The following SOS1 variants were observed in gnomAD, a reference collection of about 807,000 sequenced individuals.
SOS1 encodes SOS Ras/Rac guanine nucleotide exchange factor 1.
SOS1 carries 25 observed loss-of-function variants against 157.6 expected under a neutral mutation model. The observed-to-expected ratio is 0.16, with a 90% confidence interval of 0.12 to 0.22. The LOEUF (loss-of-function observed/expected upper bound fraction) is 0.22, where lower values mean the gene tolerates loss of function less well. Ranked by LOEUF, SOS1 falls within the 10% of genes least tolerant of loss-of-function variation. The pLI is 1.00. For synonymous variants in SOS1, 528 were observed against 534.0 expected (o/e 0.99, Z 0.16); for missense variants, 1,237 against 1,599.1 (o/e 0.77, Z 3.86).
intron 6 of SOS1, among the ~76,000 whole-genome samples, chr2:39,042,108 A>T (rs772657264): frequency 6.6e-6 from 1 of 152,014 alleles, no homozygotes; most frequent in Non-Finnish European, 1.5e-5. Context: ...ACTCTTGTTT[A>T]CTCTGGCTTC....
chr2:39,065,261 T>G (rs1458258484), intron 2 of SOS1, among the ~76,000 whole-genome samples: 1 of 152,228 alleles, frequency 6.6e-6, no homozygotes, highest in African/African-American at 2.4e-5. Flanking sequence ...AGACACCATT[T>G]GCTATGGTCC....
chr2:39,112,995 C>G (rs1673496937), intron 1 of SOS1, among the ~76,000 whole-genome samples: 1 of 151,394 alleles, frequency 6.6e-6, no homozygotes, highest in Non-Finnish European at 1.5e-5. Context: ...GAGATCACAC[C>G]ACTGCACTCC....
At chr2:38,996,091 CTTTTTT>C (rs373919767) in intron 19 of SOS1, among the ~76,000 whole-genome samples, 1 of 147,046 alleles carries the variant, frequency 6.8e-6, no homozygotes, top group South Asian at 2.1e-4. Flanking sequence ...GGATTCTTGA[CTTTTTT>C]TTTTTGAGAC....
intron 1 of SOS1, among the ~76,000 whole-genome samples, chr2:39,072,129 G>A (rs1003798452): frequency 6.6e-6 from 1 of 152,046 alleles, no homozygotes; most frequent in East Asian, 1.9e-4. Flanking sequence ...ATCCCTGCTT[G>A]TATGGTCCTT....
chr2:38,997,126 C>A, intron 18 of SOS1, 88 bp from the exon 19 acceptor site: 1 of 1,037,660 alleles, frequency 9.6e-7, no homozygotes, highest in Non-Finnish European at 1.4e-6. Context: ...ACATTTAATA[C>A]AAGTAAATTT....
In SOS1 at chr2:38,985,601, G is replaced by A. The variant is rs886056022; in HGVS notation, c.*223C>T. ...TTATGATTTTCAGGTGCAATCAGTT[G>A]TCCAATTCCTCTAGGTCGGTCTTTC... On this transcript the variant is annotated 3_prime_UTR_variant, in exon 23 of 23. Coordinates refer to ENST00000402219, the MANE Select transcript of SOS1 (RefSeq NM_005633.4). 2.2e-5 allele frequency: 12 copies of A among 535,068 alleles called. No individual in the cohort carries two copies. The East Asian group carries it at 4.2e-4, about 19-fold the overall frequency. The allele number at this position is 535,068 out of a possible 1,614,324, so 33.1% of individuals were successfully genotyped here.
At chr2:39,111,225 T>C (rs1417425536) in intron 1 of SOS1, among the ~76,000 whole-genome samples, 4 of 151,902 alleles carry the variant, frequency 2.6e-5, no homozygotes, top group African/African-American at 7.3e-5. Context: ...AGAGCAAGAC[T>C]CCATCTCAAA....
intron 20 of SOS1, among the ~76,000 whole-genome samples, chr2:38,991,267 A>G (rs1276899848): frequency 1.3e-5 from 2 of 152,168 alleles, no homozygotes; most frequent in Non-Finnish European, 2.9e-5. Context: ...TAAACTCACA[A>G]AAGCCTGGTA....
chr2:39,124,399 C>T (rs1267419596), upstream of SOS1: 2 of 152,278 alleles, frequency 1.3e-5, no homozygotes, highest in African/African-American at 4.8e-5. Flanking sequence ...ACGTGACGCA[C>T]GAGGCGCGTC....
intron 1 of SOS1, among the ~76,000 whole-genome samples, chr2:39,086,040 C>T (rs572912857): frequency 1.4e-4 from 22 of 152,288 alleles, no homozygotes; most frequent in Non-Finnish European, 2.8e-4. Flanking sequence ...GCACGAATTA[C>T]TTACTCCTTC....
chr2:39,095,990 T>C (rs1298804890), intron 1 of SOS1, among the ~76,000 whole-genome samples: 2 of 152,258 alleles, frequency 1.3e-5, no homozygotes, highest in East Asian at 1.9e-4. Context: ...GTGGAGCTAT[T>C]TGGCTACCCA....
At chr2:39,107,411 C>CA (rs1673235487) in intron 1 of SOS1, among the ~76,000 whole-genome samples, 1 of 152,138 alleles carries the variant, frequency 6.6e-6, no homozygotes, top group Non-Finnish European at 1.5e-5. Context: ...TGAGGCCTTG[C>CA]AAACTTTCCT....
At chr2:39,045,750 C>T (rs1421641338) in intron 6 of SOS1, among the ~76,000 whole-genome samples, 1 of 152,154 alleles carries the variant, frequency 6.6e-6, no homozygotes, top group East Asian at 1.9e-4. Context: ...TGCTCTGTCG[C>T]CCAGGCTGGA....
At chr2:39,023,348 C>A (rs1669857403) in intron 9 of SOS1, 123 bp from the exon 10 acceptor site, 4 of 654,274 alleles carry the variant, frequency 6.1e-6, no homozygotes, top group South Asian at 4.6e-5. Flanking sequence ...CACTAATTCC[C>A]CAAATAGATT....
intron 1 of SOS1, among the ~76,000 whole-genome samples, chr2:39,081,476 C>T (rs1337854807): frequency 4.7e-5 from 7 of 147,730 alleles, no homozygotes; most frequent in Admixed American, 3.4e-4. Context: ...GCCGAGATCG[C>T]GCCACTGCAT....
In SOS1 at chr2:38,985,119, ACAC is replaced by A. The variant is rs1240175279; in HGVS notation, c.*702_*704del. On this transcript the variant is annotated 3_prime_UTR_variant, in exon 23 of 23. Coordinates refer to ENST00000402219, the MANE Select transcript of SOS1 (RefSeq NM_005633.4). ...ACAAAACTTCTCTTTTTTGAAGGCA[ACAC>A]CACCACATTTTGTTTGGGTGTGTGG... The A allele has an allele frequency of 1.3e-5, 2 of 152,196 alleles. No homozygotes were observed. The highest frequency in any genetic ancestry group is 4.8e-5 in the African/African-American group (2 of 41,440). The allele number at this position is 152,196 out of a possible 1,614,324, so 9.4% of individuals were successfully genotyped here.
At chr2:39,060,002 A>G (rs994709074) in intron 2 of SOS1, among the ~76,000 whole-genome samples, 1 of 152,198 alleles carries the variant, frequency 6.6e-6, no homozygotes, top group African/African-American at 2.4e-5. Flanking sequence ...AACGCAATAC[A>G]AAGGCCCAAA....
chr2:38,994,673 G>A (rs1423983723), intron 20 of SOS1, among the ~76,000 whole-genome samples: 3 of 152,178 alleles, frequency 2.0e-5, no homozygotes, highest in Non-Finnish European at 4.4e-5. Flanking sequence ...TGAGCATTAT[G>A]TTGACACTCA....
chr2:38,991,741 C>G (rs1020274363), intron 20 of SOS1, among the ~76,000 whole-genome samples: 3 of 152,284 alleles, frequency 2.0e-5, no homozygotes, highest in Admixed American at 2.0e-4. Context: ...TATGTCTTTA[C>G]CACTATTTTT....
Sources: gnomAD v4.1 joint callset for allele counts (sites outside exome capture counted in the v4.1 genomes callset) on GRCh38, gnomAD v4.1.1 for gene constraint, MANE v1.5 for transcripts, NCBI Gene and HGNC (gene_info 2026-07-23, HGNC 2026-07-21) for gene names.